PCDH11Y: variants seen among roughly 807,000 people sequenced by gnomAD.
PCDH11Y encodes the protein protocadherin 11 Y-linked.
For synonymous variants in PCDH11Y, 9 were observed against 83.6 expected, an observed-to-expected ratio of 0.11 and a Z score of 4.87; for missense variants, 12 against 224.8, an observed-to-expected ratio of 0.05 and a Z score of 6.05.
intron 2 of PCDH11Y, among the ~76,000 whole-genome samples, chrY:5,195,613 T>C (rs2052917908): frequency 3.0e-5 from 1 of 33,542 alleles, no homozygotes; most frequent in Non-Finnish European, 7.4e-5. Context: ...TTATTTTCAC[T>C]ATTTAATAAA....
At chrY:5,411,888 C>T (rs2053247807) in intron 2 of PCDH11Y, among the ~76,000 whole-genome samples, 1 of 32,462 alleles carries the variant, frequency 3.1e-5, no homozygotes, top group Non-Finnish European at 7.6e-5. Flanking sequence ...CAGCTTTTTT[C>T]GTTTTGCCTA....
At chrY:5,676,284 A>C (rs2053553708) in intron 4 of PCDH11Y, among the ~76,000 whole-genome samples, 1 of 32,110 alleles carries the variant, frequency 3.1e-5, no homozygotes, top group Non-Finnish European at 7.6e-5. Context: ...CTGAGGCTGC[A>C]CAGAGAAGGG....
At chrY:5,343,153 A>G (rs2053147181) in intron 2 of PCDH11Y, among the ~76,000 whole-genome samples, 1 of 33,347 alleles carries the variant, frequency 3.0e-5, no homozygotes, top group Non-Finnish European at 7.4e-5. Flanking sequence ...TTTCAAATTA[A>G]TAGTTCTATT....
intron 1 of PCDH11Y, among the ~76,000 whole-genome samples, chrY:5,088,085 G>A (rs2052734531): frequency 3.3e-5 from 1 of 30,465 alleles, no homozygotes; most frequent in Non-Finnish European, 7.9e-5. Flanking sequence ...TTTGGGGTAT[G>A]AGGTTCAAAC....
chrY:5,366,097 G>A, intron 2 of PCDH11Y, among the ~76,000 whole-genome samples: 1 of 33,521 alleles, frequency 3.0e-5, no homozygotes, highest in Non-Finnish European at 7.4e-5. Flanking sequence ...AAGCTCTTTC[G>A]CTTCCCCAGT....
chrY:5,376,075 C>G, intron 2 of PCDH11Y, among the ~76,000 whole-genome samples: 1 of 32,365 alleles, frequency 3.1e-5, no homozygotes, highest in African/African-American at 1.2e-4. Context: ...GAATTTAGCT[C>G]TAAATTTTTT....
intron 4 of PCDH11Y, among the ~76,000 whole-genome samples, chrY:5,677,271 A>G (rs2053554400): frequency 6.0e-5 from 2 of 33,246 alleles, no homozygotes; most frequent in African/African-American, 2.4e-4. Flanking sequence ...TTATGATTCA[A>G]TTATCTCCCA....
At chrY:5,416,252 A>G (rs2053253126) in intron 2 of PCDH11Y, among the ~76,000 whole-genome samples, 29 of 33,388 alleles carry the variant, frequency 8.7e-4, no homozygotes, top group African/African-American at 3.4e-3. Context: ...TGGAGGTAAC[A>G]AAGTCGTCAG....
chrY:5,456,015 TA>T (rs2053297672), intron 2 of PCDH11Y, among the ~76,000 whole-genome samples: 1 of 33,551 alleles, frequency 3.0e-5, no homozygotes, highest in African/African-American at 1.2e-4. Context: ...ATCAACAGGA[TA>T]AACAGACAAC....
chrY:5,378,927 G>T (rs372653520), intron 2 of PCDH11Y, among the ~76,000 whole-genome samples: 1 of 33,259 alleles, frequency 3.0e-5, no homozygotes, highest in Non-Finnish European at 7.4e-5. Context: ...GTAGAAGAAC[G>T]CCAAAAGTTA....
intron 2 of PCDH11Y, among the ~76,000 whole-genome samples, chrY:5,174,139 GATATATAT>G (rs771513755): frequency 2.4e-3 from 24 of 9,856 alleles, no homozygotes; most frequent in Admixed American, 0.014. Context: ...ATACAAATGT[GATATATAT>G]ATATATATAT....
chrY:5,475,325 G>A, intron 2 of PCDH11Y, among the ~76,000 whole-genome samples: 3 of 32,612 alleles, frequency 9.2e-5, no homozygotes, highest in Non-Finnish European at 2.3e-4. Flanking sequence ...ATGATATAAT[G>A]TTAAAATAGT....
intron 3 of PCDH11Y, among the ~76,000 whole-genome samples, chrY:5,043,825 C>CT (rs2052623372): frequency 3.0e-5 from 1 of 32,921 alleles, no homozygotes; most frequent in African/African-American, 1.2e-4. Flanking sequence ...CAACTTCTTC[C>CT]GGTTTAGTCT....
At chrY:5,644,572 G>T (rs2053525387) in intron 4 of PCDH11Y, among the ~76,000 whole-genome samples, 1 of 33,406 alleles carries the variant, frequency 3.0e-5, no homozygotes, top group Non-Finnish European at 7.4e-5. Flanking sequence ...AGTGGCTTAC[G>T]CCTGTAATCC....
intron 4 of PCDH11Y, among the ~76,000 whole-genome samples, chrY:5,612,289 C>A (rs2053488339): frequency 3.0e-5 from 1 of 32,982 alleles, no homozygotes; most frequent in Admixed American, 2.7e-4. Context: ...TTTTTTCAAA[C>A]TCTGAATTAT....
At chrY:5,573,414 G>A (rs571170399) in intron 3 of PCDH11Y, 1 of 294,457 alleles carries the variant, frequency 3.4e-6, no homozygotes, top group South Asian at 3.2e-5. Context: ...CGACTGCCTG[G>A]CCTCTTACCT....
intron 2 of PCDH11Y, among the ~76,000 whole-genome samples, chrY:5,117,460 G>T: frequency 3.0e-5 from 1 of 32,952 alleles, no homozygotes; most frequent in Non-Finnish European, 7.5e-5. Flanking sequence ...GTGGTTGAGT[G>T]TTGGGAAAAA....
At chrY:5,222,349 T>C in intron 2 of PCDH11Y, among the ~76,000 whole-genome samples, 2 of 33,248 alleles carry the variant, frequency 6.0e-5, no homozygotes, top group Admixed American at 5.5e-4. Flanking sequence ...TTGTGAGGGA[T>C]TGCTTATATT....
chrY:5,340,316 G>A, intron 2 of PCDH11Y, among the ~76,000 whole-genome samples: 1 of 30,946 alleles, frequency 3.2e-5, no homozygotes, highest in Non-Finnish European at 7.8e-5. Flanking sequence ...TTCTAGCTGC[G>A]CTGGCAGGTG....
Sources: gnomAD v4.1 joint callset for allele counts (sites outside exome capture counted in the v4.1 genomes callset) on GRCh38, gnomAD v4.1.1 for gene constraint, MANE v1.5 for transcripts, NCBI Gene and HGNC (gene_info 2026-07-23, HGNC 2026-07-21) for gene names.